SAMMSON: variants seen among roughly 807,000 people sequenced by gnomAD.
SAMMSON encodes the protein survival associated mitochondrial melanoma specific oncogenic non-coding RNA, also known as long intergenic non-protein coding RNA 1212.
At chr3:70,017,087 T>C (rs1175564493) in intron 3 of SAMMSON, among the ~76,000 whole-genome samples, 2 of 152,120 alleles carry the variant, frequency 1.3e-5, no homozygotes, top group Non-Finnish European at 2.9e-5. Flanking sequence ...TTTGGTTCTA[T>C]ATGAACTTTA....
At chr3:70,405,305 A>G (rs887803571) in intron 2 of SAMMSON, among the ~76,000 whole-genome samples, 1 of 152,232 alleles carries the variant, frequency 6.6e-6, no homozygotes, top group South Asian at 2.1e-4. Context: ...AAAATAAATT[A>G]TCAACACTTT....
chr3:70,032,221 G>A (rs965066703), intron 3 of SAMMSON, among the ~76,000 whole-genome samples: 6 of 152,002 alleles, frequency 3.9e-5, no homozygotes, highest in African/African-American at 1.5e-4. Flanking sequence ...ACCCATATTT[G>A]TATTGAATTT....
At chr3:70,047,333 C>CTTT (rs879262238) in intron 3 of SAMMSON, among the ~76,000 whole-genome samples, 12 of 143,386 alleles carry the variant, frequency 8.4e-5, no homozygotes, top group African/African-American at 2.8e-4. Flanking sequence ...CTCTCTCTCT[C>CTTT]TTTTTTTTTT....
chr3:70,327,548 C>T (rs1384900088), intron 7 of SAMMSON, among the ~76,000 whole-genome samples: 7 of 152,124 alleles, frequency 4.6e-5, no homozygotes, highest in African/African-American at 1.7e-4. Context: ...GGAGAGCAAA[C>T]AATCAAGTCT....
At chr3:70,278,111 A>G (rs1385084104) in intron 6 of SAMMSON, among the ~76,000 whole-genome samples, 3 of 152,180 alleles carry the variant, frequency 2.0e-5, no homozygotes, top group Admixed American at 6.6e-5. Flanking sequence ...CCTCCCAGTC[A>G]GCAGCACCTT....
At chr3:70,053,548 G>T (rs2067154257) in intron 3 of SAMMSON, among the ~76,000 whole-genome samples, 1 of 152,118 alleles carries the variant, frequency 6.6e-6, no homozygotes, top group Admixed American at 6.6e-5. Flanking sequence ...CCATTCTGAG[G>T]TTTTCAACAC....
chr3:70,045,260 C>A (rs894144116), intron 3 of SAMMSON, among the ~76,000 whole-genome samples: 13 of 145,714 alleles, frequency 8.9e-5, no homozygotes, highest in Non-Finnish European at 9.0e-5. Context: ...AAATATTTTA[C>A]TTAAAAGTAT....
chr3:70,190,141 A>G (rs1701120443), intron 4 of SAMMSON, among the ~76,000 whole-genome samples: 1 of 152,170 alleles, frequency 6.6e-6, no homozygotes, highest in South Asian at 2.1e-4. Context: ...CATGACTCAT[A>G]TATGTGATAG....
intron 8 of SAMMSON, among the ~76,000 whole-genome samples, chr3:70,356,762 C>A (rs1365629010): frequency 6.6e-6 from 1 of 151,788 alleles, no homozygotes; most frequent in Non-Finnish European, 1.5e-5. Flanking sequence ...TTAAGAATAC[C>A]AATCCCAGGC....
intron 1 of SAMMSON, among the ~76,000 whole-genome samples, chr3:70,011,417 C>T (rs1333396065): frequency 6.6e-6 from 1 of 152,018 alleles, no homozygotes; most frequent in Admixed American, 6.6e-5. Flanking sequence ...AAATTTAGGG[C>T]CCCTCTTCTC....
intron 7 of SAMMSON, among the ~76,000 whole-genome samples, chr3:70,302,081 T>C (rs1702354661): frequency 1.3e-5 from 2 of 152,138 alleles, no homozygotes; most frequent in African/African-American, 4.8e-5. Context: ...CTATGAGTTG[T>C]CCTCTCTACT....
At chr3:70,125,049 A>C (rs769495022) in intron 4 of SAMMSON, 4 of 786,468 alleles carry the variant, frequency 5.1e-6, no homozygotes, top group Admixed American at 2.1e-5. Context: ...GATTCAAAAG[A>C]AACCTTTATT....
chr3:70,369,582 C>G (rs1373149873), intron 9 of SAMMSON, among the ~76,000 whole-genome samples: 1 of 150,830 alleles, frequency 6.6e-6, no homozygotes, highest in Admixed American at 6.6e-5. Context: ...TAAGAGGAAT[C>G]AGAGAGAAGA....
intron 2 of SAMMSON, among the ~76,000 whole-genome samples, chr3:70,414,734 A>T (rs1034852216): frequency 1.3e-5 from 2 of 152,186 alleles, no homozygotes; most frequent in Non-Finnish European, 2.9e-5. Flanking sequence ...AACCTCATAT[A>T]GTTCATTTAT....
chr3:70,423,911 T>C (rs1477619727), intron 2 of SAMMSON, among the ~76,000 whole-genome samples: 1 of 152,222 alleles, frequency 6.6e-6, no homozygotes, highest in Non-Finnish European at 1.5e-5. Flanking sequence ...TGGGTCATCG[T>C]TTAGCAGATC....
chr3:70,284,019 T>G (rs1158606871), intron 6 of SAMMSON, among the ~76,000 whole-genome samples: 1 of 152,090 alleles, frequency 6.6e-6, no homozygotes, highest in Non-Finnish European at 1.5e-5. Flanking sequence ...TGCCTTTGGG[T>G]GGCAGAGGTA....
Position 70,121,466 on chromosome 3 carries a change from G to T in SAMMSON, n.507+49901G>T, listed in dbSNP as rs74453859. Among the ~76,000 whole-genome samples, 254 of 145,532 alleles carry T rather than the reference G, an allele frequency of 1.7e-3. 3 individuals carry two copies. Among genetic ancestry groups the T allele is most frequent in the African/African-American group, 6.4e-3 (243 of 38,118 alleles). On this transcript the variant is annotated intron_variant and non_coding_transcript_variant, in intron 4 of 9. Transcript: ENST00000642114. ...GTATGTTTGTAGTGTACCAAGCAAGGCAAAAAAAAATACACATTTACTTTA... is the reference window on the plus strand; with the variant it reads ...GTATGTTTGTAGTGTACCAAGCAAGTCAAAAAAAAATACACATTTACTTTA...
intron 4 of SAMMSON, among the ~76,000 whole-genome samples, chr3:70,083,229 G>A (rs2067272853): frequency 6.6e-6 from 1 of 152,084 alleles, no homozygotes; most frequent in Non-Finnish European, 1.5e-5. Context: ...GGATTGTATC[G>A]CTTGCCATTT....
rs145469159 is a variant in SAMMSON at position 70,370,321 on chromosome 3, G to C, written n.913+11997G>C. 1.7e-3 allele frequency among the ~76,000 whole-genome samples: 252 copies of C among 151,914 alleles called. 1 individual carries two copies. The highest frequency in any genetic ancestry group is 5.8e-3 in the African/African-American group (241 of 41,514). ...TATACGGATTTCCTTTCCTTTGGATGAATACCCGGTGGGATTGCTGGATCA... is the reference window on the plus strand; with the variant it reads ...TATACGGATTTCCTTTCCTTTGGATCAATACCCGGTGGGATTGCTGGATCA... On this transcript the variant is annotated intron_variant and non_coding_transcript_variant, in intron 9 of 9. Coordinates refer to ENST00000642114, the Ensembl canonical transcript of SAMMSON.
Sources: allele counts gnomAD v4.1 joint callset (sites outside exome capture counted in the v4.1 genomes callset), GRCh38; gene constraint gnomAD v4.1.1; transcripts MANE v1.5; gene names NCBI Gene and HGNC (gene_info 2026-07-23, HGNC 2026-07-21).